NLRP9: variants seen among roughly 807,000 people sequenced by gnomAD.
NLRP9 encodes the protein NLR family pyrin domain containing 9, also known as NACHT, LRR and PYD domains-containing protein 9.
A neutral mutation model predicts 83.1 loss-of-function variants in NLRP9; 88 were observed. That is an observed-to-expected ratio of 1.06 (90% CI 0.89 to 1.26). The LOEUF is 1.26. Among genes scored for constraint, NLRP9 ranks in the 50% most tolerant of loss-of-function variants. NLRP9 has a pLI of 0.00. For missense variants in NLRP9, 1,308 were observed against 1,179.3 expected (o/e 1.11, Z -1.60); for synonymous variants, 521 against 447.6 (o/e 1.16, Z -2.07).
At chr19:55,731,669 G>A (rs976861963) in intron 2 of NLRP9, among the ~76,000 whole-genome samples, 5 of 148,514 alleles carry the variant, frequency 3.4e-5, no homozygotes, top group East Asian at 2.0e-4. Context: ...GGTTGCAGTA[G>A]GCCGAGATCG....
At chr19:55,718,412 T>G (rs1368078820) in intron 4 of NLRP9, among the ~76,000 whole-genome samples, 1 of 152,212 alleles carries the variant, frequency 6.6e-6, no homozygotes, top group South Asian at 2.1e-4. Context: ...GGGAATGGAA[T>G]GTCTAGGTGT....
At chr19:55,735,363 G>A (rs1471818511) in intron 1 of NLRP9, among the ~76,000 whole-genome samples, 2 of 152,148 alleles carry the variant, frequency 1.3e-5, no homozygotes, top group Non-Finnish European at 2.9e-5. Flanking sequence ...TGAGGCAGGA[G>A]GAGCACTTGA....
chr19:55,712,827 G>C (rs111379144), intron 6 of NLRP9, among the ~76,000 whole-genome samples: 4 of 21,848 alleles, frequency 1.8e-4, no homozygotes, highest in Non-Finnish European at 2.7e-4. Flanking sequence ...AGGAGTGGGA[G>C]GGGAAGAAGA....
intron 4 of NLRP9, among the ~76,000 whole-genome samples, chr19:55,717,386 C>T (rs1434587828): frequency 6.6e-6 from 1 of 152,168 alleles, no homozygotes; most frequent in African/African-American, 2.4e-5. Flanking sequence ...CCTCATTAAT[C>T]CCGTAGGTTT....
chr19:55,718,542 A>G (rs554578548), intron 4 of NLRP9, among the ~76,000 whole-genome samples: 100 of 152,298 alleles, frequency 6.6e-4, no homozygotes, highest in Admixed American at 1.3e-3. Context: ...AGATGTTTGG[A>G]TGAAGAGAAA....
intron 2 of NLRP9, among the ~76,000 whole-genome samples, chr19:55,731,380 A>G (rs1988564088): frequency 6.6e-6 from 1 of 152,036 alleles, no homozygotes; most frequent in Middle Eastern, 3.4e-3. Context: ...AAAAAGAAGA[A>G]AAGGAAAGAA....
chr19:55,731,533 G>A (rs1988568358), intron 2 of NLRP9, among the ~76,000 whole-genome samples: 1 of 151,926 alleles, frequency 6.6e-6, no homozygotes, highest in African/African-American at 2.4e-5. Flanking sequence ...AGACCAGTCT[G>A]GCTAACATGG....
Position 55,733,919 on chromosome 19 carries a change from ATTTT to A in NLRP9, c.281-373_281-370del, listed in dbSNP as rs765779528. Among the ~76,000 whole-genome samples the A allele has an allele frequency of 5.7e-3, 668 of 117,850 alleles. 8 individuals carry two copies. The highest frequency in any genetic ancestry group is 0.024 in the East Asian group (109 of 4,486). The allele number at this position is 117,850 out of a possible 152,430, so 77.3% of individuals were successfully genotyped here. ...ATAAACTCAACCAGTTGTCAACCAA[ATTTT>A]TTTTTTTTTTTTTTTTTGAGACGGA... is the stretch of plus-strand genomic sequence containing the variant. On this transcript the variant is annotated intron_variant, in intron 1 of 8. Coordinates refer to ENST00000332836, the MANE Select transcript of NLRP9 (RefSeq NM_176820.4).
rs762574996 is a variant in NLRP9, at chr19:55,732,531, G to GGA, written c.1298_1299dup (p.Leu434SerfsTer41). ...GCAAAACAGTCCCCTCTCCTTTGGA[G>GGA]GAGTCTCATACCCACCCACATCACG... On this transcript the variant is annotated frameshift_variant, in exon 2 of 9. Coordinates refer to ENST00000332836, the MANE Select transcript of NLRP9 (RefSeq NM_176820.4). LOFTEE classifies it high-confidence loss of function. 6.2e-7 allele frequency: 1 copy of GGA among 1,614,180 alleles called. No homozygotes were observed. Among genetic ancestry groups the GGA allele is most frequent in the South Asian group, 1.1e-5 (1 of 91,090 alleles).
chr19:55,734,406 A>G (rs917917969), intron 1 of NLRP9, among the ~76,000 whole-genome samples: 7 of 146,684 alleles, frequency 4.8e-5, no homozygotes, highest in African/African-American at 1.5e-4. Flanking sequence ...TACTATATCA[A>G]TTGTTTCTAA....
chr19:55,719,973 G>C (rs1000566148), intron 4 of NLRP9, among the ~76,000 whole-genome samples: 1 of 152,146 alleles, frequency 6.6e-6, no homozygotes, highest in African/African-American at 2.4e-5. Context: ...GAATGGGATG[G>C]AATTACATCT....
In NLRP9 at chr19:55,729,831, A is replaced by C; in HGVS notation, c.1994T>G (p.Ile665Arg). Residue 665 changes from isoleucine to arginine, a missense_variant and splice_region_variant, in exon 3 of 9, where the codon ATA (isoleucine) becomes AGA (arginine). Physicochemically the swap from Ile to Arg is moderately conservative, Grantham distance 97 (BLOSUM62 -3). Transcript: ENST00000332836. Reference protein sequence around the residue: ...AQPVCKLRKLIFTSVYFGHDS... With the variant: ...AQPVCKLRKLRFTSVYFGHDS... ...AAGGACAGGTTAACATAAAACTTAC[A>C]TGAGTTTTCGGAGTTTACAAACAGG... 6.2e-7 allele frequency: 1 copy of C among 1,609,828 alleles called. No individual in the cohort carries two copies. Among genetic ancestry groups the C allele is most frequent in the Non-Finnish European group, 8.5e-7 (1 of 1,178,196 alleles).
chr19:55,732,393 T>C lies in NLRP9; in HGVS notation c.1438A>G (p.Ser480Gly), dbSNP rs1406510122. ...IGSITQLVRA[S>G]VVQPQTLLTQ... is the part of the protein sequence containing the mutation. ...AAGAGGGTTTGAGGCTGAACCACAC[T>C]TGCTCTTACAAGCTGGGTTATGCTT... Residue 480 changes from serine to glycine, a missense_variant, in exon 2 of 9, where the codon AGT (serine) becomes GGT (glycine). Ser to Gly is a moderately conservative substitution (Grantham distance 56). Coordinates refer to ENST00000332836, the MANE Select transcript of NLRP9 (RefSeq NM_176820.4). 7 of 1,614,236 alleles carry C rather than the reference T, an allele frequency of 4.3e-6. 1 individual carries two copies. In the South Asian group the frequency reaches 7.7e-5, roughly 18 times the overall value.
chr19:55,714,970 C>T (rs1244692087), intron 6 of NLRP9, 85 bp downstream of exon 6: 2 of 1,279,558 alleles, frequency 1.6e-6, no homozygotes, highest in African/African-American at 1.5e-5. Flanking sequence ...CAGATGCTAG[C>T]ATATCCCTTT....
rs746033911 is a variant in NLRP9 at position 55,711,967 on chromosome 19, C to T, written c.2676G>A (p.Leu892=). The change falls in exon 8 of 9, where the codon CTG becomes CTA. Residue 892 remains leucine (L), a synonymous_variant. Coordinates refer to ENST00000332836, the MANE Select transcript of NLRP9 (RefSeq NM_176820.4). Reference sequence around the variant, plus strand: ...AGGCACGGGTGATCGGACACGTTTGCAGCCTGCAAAAGGGAAACACACCAG... The same window carrying T: ...AGGCACGGGTGATCGGACACGTTTGTAGCCTGCAAAAGGGAAACACACCAG... The part of the protein sequence containing the change: ...HPHCKLECLG[L]QTCPITRACC... The T allele has an allele frequency of 2.5e-6, 4 of 1,612,014 alleles. No individual in the cohort carries two copies. The highest frequency in any genetic ancestry group is 1.7e-5 in the Admixed American group (1 of 59,952).
intron 4 of NLRP9, among the ~76,000 whole-genome samples, chr19:55,723,682 T>G (rs1988301659): frequency 7.0e-6 from 1 of 143,800 alleles, no homozygotes; most frequent in African/African-American, 2.7e-5. Context: ...GAGTCAAGAT[T>G]GCGTCATTGC....
intron 4 of NLRP9, among the ~76,000 whole-genome samples, chr19:55,722,912 C>T (rs538145257): frequency 6.6e-6 from 1 of 152,084 alleles, no homozygotes; most frequent in African/African-American, 2.4e-5. Flanking sequence ...AAACCAAACA[C>T]TGCCTGTTCT....
intron 4 of NLRP9, among the ~76,000 whole-genome samples, chr19:55,719,788 C>A (rs1326457064): frequency 6.6e-6 from 1 of 152,136 alleles, no homozygotes; most frequent in Admixed American, 6.6e-5. Context: ...TGTTCATCCA[C>A]AAATGCAGGA....
chr19:55,731,449 C>T lies in NLRP9; in HGVS notation c.1832+550G>A, dbSNP rs535296826. Among the ~76,000 whole-genome samples, 8 of 151,844 alleles carry T rather than the reference C, an allele frequency of 5.3e-5. No homozygotes were observed. In the East Asian group the frequency reaches 7.8e-4, roughly 15 times the overall value. On this transcript the variant is annotated intron_variant, in intron 2 of 8. Coordinates refer to ENST00000332836, the MANE Select transcript of NLRP9 (RefSeq NM_176820.4). Reference sequence around the variant, plus strand: ...GAGGGAGGAAGCAAGCAAGGCCAGGCGCGGTGGCTTATGCTTGTAATCCTA... The same window carrying T: ...GAGGGAGGAAGCAAGCAAGGCCAGGTGCGGTGGCTTATGCTTGTAATCCTA...
Sources: gnomAD v4.1 joint callset for allele counts (sites outside exome capture counted in the v4.1 genomes callset) on GRCh38, gnomAD v4.1.1 for gene constraint, MANE v1.5 for transcripts, NCBI Gene and HGNC (gene_info 2026-07-23, HGNC 2026-07-21) for gene names.